CNTN5: variants seen among roughly 807,000 people sequenced by gnomAD.
CNTN5 encodes the protein contactin-5.
In CNTN5, 77 loss-of-function variants were observed where a neutral mutation model predicts 129.1. The observed-to-expected ratio is 0.60, with a 90% CI of 0.50 to 0.72. The LOEUF (loss-of-function observed/expected upper bound fraction) is 0.72, where lower values mean the gene tolerates loss of function less well. Ranked by LOEUF, CNTN5 falls within the 30% of genes least tolerant of loss-of-function variation. CNTN5 has a pLI of 0.00. For missense variants in CNTN5, 1,478 were observed against 1,328.8 expected (o/e 1.11, Z -1.75); for synonymous variants, 509 against 465.6 (o/e 1.09, Z -1.20).
At chr11:99,518,451 T>C (rs1299953950) in intron 2 of CNTN5, among the ~76,000 whole-genome samples, 1 of 152,056 alleles carries the variant, frequency 6.6e-6, no homozygotes, top group Non-Finnish European at 1.5e-5. Context: ...TAGCGACAAA[T>C]CATGAAGTGG....
chr11:100,040,869 G>A (rs11222489), intron 9 of CNTN5, among the ~76,000 whole-genome samples: 16,500 of 152,102 alleles, frequency 0.11, 1,040 homozygotes, highest in Middle Eastern at 0.27. Context: ...TCCAGGTGCC[G>A]TCTGTCACCC....
intron 2 of CNTN5, among the ~76,000 whole-genome samples, chr11:99,330,978 A>G (rs1301480469): frequency 5.3e-5 from 8 of 151,812 alleles, no homozygotes; most frequent in African/African-American, 1.7e-4. Context: ...ACACACACAC[A>G]TACACACACA....
chr11:100,046,520 T>A (rs1240912092), intron 9 of CNTN5, among the ~76,000 whole-genome samples: 1 of 152,184 alleles, frequency 6.6e-6, no homozygotes, highest in Non-Finnish European at 1.5e-5. Context: ...ACATATGTAG[T>A]TATTTGTGAT....
intron 12 of CNTN5, among the ~76,000 whole-genome samples, chr11:100,073,731 T>C (rs1003234273): frequency 1.3e-5 from 2 of 152,078 alleles, no homozygotes; most frequent in Admixed American, 6.6e-5. Context: ...ACAGAATAAA[T>C]TAAGATTCGT....
intron 6 of CNTN5, among the ~76,000 whole-genome samples, chr11:99,897,669 A>G (rs1949242700): frequency 6.6e-6 from 1 of 152,202 alleles, no homozygotes; most frequent in Non-Finnish European, 1.5e-5. Context: ...AAACTAAAGG[A>G]TGATACTTGG....
intron 3 of CNTN5, among the ~76,000 whole-genome samples, chr11:99,783,762 T>C (rs1208876740): frequency 2.0e-5 from 3 of 150,134 alleles, no homozygotes; most frequent in South Asian, 4.2e-4. Context: ...TAGGTGGGAA[T>C]TGAACAGTGA....
chr11:99,233,024 G>A (rs1591392321), intron 1 of CNTN5, among the ~76,000 whole-genome samples: 1 of 152,206 alleles, frequency 6.6e-6, no homozygotes, highest in Non-Finnish European at 1.5e-5. Flanking sequence ...CAGCCGAGGA[G>A]AGGTTAGTAG....
At chr11:100,134,478 G>T (rs1235693792) in intron 13 of CNTN5, among the ~76,000 whole-genome samples, 1 of 152,142 alleles carries the variant, frequency 6.6e-6, no homozygotes, top group Non-Finnish European at 1.5e-5. Context: ...TTATGTCAGT[G>T]CCAGGCATAT....
At chr11:100,243,122 T>A (rs1949775879) in intron 16 of CNTN5, among the ~76,000 whole-genome samples, 2 of 152,214 alleles carry the variant, frequency 1.3e-5, no homozygotes, top group African/African-American at 4.8e-5. Flanking sequence ...TTCTTTGTAG[T>A]GTGCACGTGC....
intron 1 of CNTN5, among the ~76,000 whole-genome samples, chr11:99,163,071 T>C (rs1055988532): frequency 2.6e-5 from 4 of 152,154 alleles, no homozygotes; most frequent in African/African-American, 4.8e-5. Context: ...AGAGTGAAAA[T>C]AGGATTTGCT....
intron 1 of CNTN5, among the ~76,000 whole-genome samples, chr11:99,234,938 C>T (rs966565439): frequency 2.6e-5 from 4 of 151,954 alleles, no homozygotes; most frequent in Admixed American, 1.3e-4. Flanking sequence ...ATGGCATAGT[C>T]TCTGATCTAG....
intron 3 of CNTN5, among the ~76,000 whole-genome samples, chr11:99,566,893 T>C (rs1301550427): frequency 6.6e-6 from 1 of 152,232 alleles, no homozygotes; most frequent in Non-Finnish European, 1.5e-5. Flanking sequence ...TCCTCAGTAC[T>C]AGCATATATT....
intron 2 of CNTN5, among the ~76,000 whole-genome samples, chr11:99,518,926 C>T (rs929274797): frequency 1.3e-5 from 2 of 152,096 alleles, no homozygotes; most frequent in Non-Finnish European, 2.9e-5. Flanking sequence ...TGCATCCATT[C>T]TGCTAAGCTC....
chr11:99,061,902 G>A (rs1368475176), intron 1 of CNTN5, among the ~76,000 whole-genome samples: 2 of 151,856 alleles, frequency 1.3e-5, no homozygotes, highest in African/African-American at 4.8e-5. Flanking sequence ...GGAGGTGGGA[G>A]GATCACTTGA....
At chr11:99,396,697 G>A (rs958134214) in intron 2 of CNTN5, among the ~76,000 whole-genome samples, 16 of 151,532 alleles carry the variant, frequency 1.1e-4, no homozygotes, top group Non-Finnish European at 1.8e-4. Flanking sequence ...TGTATTTAGC[G>A]GTACTATAGA....
chr11:99,146,897 C>T (rs1859810858), intron 1 of CNTN5, among the ~76,000 whole-genome samples: 1 of 151,846 alleles, frequency 6.6e-6, no homozygotes, highest in East Asian at 1.9e-4. Context: ...AATTTTTGTA[C>T]TTTTTGTAGG....
rs115318456 is a variant in CNTN5 at position 99,663,738 on chromosome 11, G to A, written c.55+107469G>A. On this transcript the variant is annotated intron_variant, in intron 3 of 24. Transcript: ENST00000524871. Reference sequence around the variant, plus strand: ...TCTCTCAATTGCCACCGTGTAAGACGTGCCTGCTTCCCCTTCTGCCATGAT... The same window carrying A: ...TCTCTCAATTGCCACCGTGTAAGACATGCCTGCTTCCCCTTCTGCCATGAT... Among the ~76,000 whole-genome samples the A allele has an allele frequency of 2.3e-3, 345 of 152,202 alleles. 1 individual carries two copies. The highest frequency in any genetic ancestry group is 7.4e-3 in the African/African-American group (309 of 41,532).
At chr11:100,303,299 AG>A (rs1490761439) in intron 20 of CNTN5, among the ~76,000 whole-genome samples, 1 of 151,638 alleles carries the variant, frequency 6.6e-6, no homozygotes, top group African/African-American at 2.4e-5. Flanking sequence ...TTAAAAAAAA[AG>A]AATAGTGAAG....
chr11:99,790,259 T>C (rs1415991428), intron 3 of CNTN5, among the ~76,000 whole-genome samples: 1 of 152,040 alleles, frequency 6.6e-6, no homozygotes, highest in Non-Finnish European at 1.5e-5. Flanking sequence ...GGAGTTTGGT[T>C]TACAGATTAT....
Sources: allele counts gnomAD v4.1 joint callset (sites outside exome capture counted in the v4.1 genomes callset), GRCh38; gene constraint gnomAD v4.1.1; transcripts MANE v1.5; gene names NCBI Gene and HGNC (gene_info 2026-07-23, HGNC 2026-07-21).